Variants in LRP1B observed in about 807,000 individuals in gnomAD.
LRP1B encodes the protein LDL receptor related protein 1B.
LRP1B carries 217 observed loss-of-function variants against 556.6 expected under a neutral mutation model. That is an observed-to-expected ratio of 0.39 (90% CI 0.35 to 0.44). The LOEUF is 0.44. Among genes scored for constraint, LRP1B ranks in the 20% least tolerant of loss-of-function variants. The probability of loss-of-function intolerance (pLI) is 1.00; values close to 1 mark genes in which losing one functional copy is unlikely to be tolerated. For synonymous variants in LRP1B, 2,047 were observed against 1,865.8 expected (o/e 1.10, Z -2.50); for missense variants, 5,053 against 5,620.8 (o/e 0.90, Z 3.23).
chr2:140,367,866 T>G (rs543692856), intron 71 of LRP1B, among the ~76,000 whole-genome samples: 1 of 151,848 alleles, frequency 6.6e-6, no homozygotes, highest in Non-Finnish European at 1.5e-5. Flanking sequence ...AAACTCTATT[T>G]GTATCATATA....
At chr2:142,113,662 T>G (rs936406722) in intron 1 of LRP1B, among the ~76,000 whole-genome samples, 2 of 152,046 alleles carry the variant, frequency 1.3e-5, no homozygotes, top group African/African-American at 4.8e-5. Context: ...GTGTGTACAT[T>G]GAAACAGTGG....
chr2:140,786,542 T>G (rs959297578), intron 32 of LRP1B, among the ~76,000 whole-genome samples: 2 of 152,206 alleles, frequency 1.3e-5, no homozygotes, highest in African/African-American at 4.8e-5. Flanking sequence ...TGAAGCTCTC[T>G]GGAAAAATCT....
intron 3 of LRP1B, among the ~76,000 whole-genome samples, chr2:141,329,373 A>T (rs1030085698): frequency 5.8e-5 from 8 of 138,700 alleles, no homozygotes; most frequent in Non-Finnish European, 9.2e-5. Flanking sequence ...GGGGGACAAG[A>T]GCAAAACTCC....
At chr2:140,628,038 A>G (rs2105268582) in intron 41 of LRP1B, among the ~76,000 whole-genome samples, 1 of 152,344 alleles carries the variant, frequency 6.6e-6, no homozygotes, top group South Asian at 2.1e-4. Context: ...TTAGCAGAGT[A>G]TAAGACAGAG....
At chr2:140,727,812 A>G (rs992149493) in intron 35 of LRP1B, among the ~76,000 whole-genome samples, 5 of 152,188 alleles carry the variant, frequency 3.3e-5, no homozygotes, top group Non-Finnish European at 7.3e-5. Context: ...GTTGCAGATT[A>G]ATAAAGACCC....
At position 140,982,281 on chromosome 2, in the gene LRP1B, G is replaced by C. The variant is rs2105343985; in HGVS notation, c.2771-5C>G. The C allele has an allele frequency of 6.3e-7, 1 of 1,594,926 alleles. No homozygotes were observed. The highest frequency in any genetic ancestry group is 2.2e-5 in the East Asian group (1 of 44,704). ...GGTCTACCTGGCATGTTCTGGCTAT[G>C]ATGATCAATTAATAAACAAAAAATC... On this transcript the variant is annotated splice_polypyrimidine_tract_variant and splice_region_variant and intron_variant, in intron 17 of 90. Coordinates refer to ENST00000389484, the MANE Select transcript of LRP1B (RefSeq NM_018557.3).
intron 3 of LRP1B, among the ~76,000 whole-genome samples, chr2:141,341,967 G>A (rs1390137452): frequency 2.6e-5 from 4 of 151,954 alleles, no homozygotes; most frequent in Admixed American, 6.6e-5. Flanking sequence ...CCAGGCGGCC[G>A]GGCGCAGTAG....
At chr2:141,996,783 A>C (rs1335862777) in intron 1 of LRP1B, among the ~76,000 whole-genome samples, 2 of 147,602 alleles carry the variant, frequency 1.4e-5, no homozygotes, top group Admixed American at 1.4e-4. Context: ...TCAAATAGTG[A>C]ATTCCTTTGG....
intron 86 of LRP1B, among the ~76,000 whole-genome samples, chr2:140,252,089 A>AAAAAAAAAAAAAAC (rs1558926907): frequency 3.0e-5 from 2 of 67,238 alleles, no homozygotes; most frequent in East Asian, 5.8e-4. Context: ...AAAAAAAAAA[A>AAAAAAAAAAAAAAC]CCCAAAAAAC....
At chr2:140,630,238 G>A (rs1009180943) in intron 41 of LRP1B, among the ~76,000 whole-genome samples, 14 of 152,140 alleles carry the variant, frequency 9.2e-5, no homozygotes, top group African/African-American at 3.1e-4. Flanking sequence ...AGATTCTGGT[G>A]CATGATAAAT....
rs1443195585 is a variant in LRP1B at position 140,792,759 on chromosome 2, G to A, written c.5360-16521C>T. ...TTTCAAGTGGAGAGAGAGTAAGGAG[G>A]AATAGTAGTGCTTTCATTAAATGAC... On this transcript the variant is annotated intron_variant, in intron 32 of 90. Transcript: ENST00000389484. Among the ~76,000 whole-genome samples, 7 of 152,074 alleles carry A rather than the reference G, an allele frequency of 4.6e-5. No homozygotes were observed. The East Asian group carries it at 1.3e-3, about 29-fold the overall frequency.
rs571007861 is a variant in LRP1B, at chr2:141,119,213, G to A, written c.1014-56940C>T. On this transcript the variant is annotated intron_variant, in intron 7 of 90. Transcript: ENST00000389484. ...TATTTGTGACCTGTTAAAATCATCC[G>A]TAAGTTTTTTTCACTCAATTGTCCT... is the stretch of plus-strand genomic sequence containing the variant. 6.8e-4 allele frequency among the ~76,000 whole-genome samples: 103 copies of A among 151,866 alleles called. No homozygotes were observed. In the Middle Eastern group the frequency reaches 0.01, roughly 15 times the overall value.
chr2:140,893,148 CT>C (rs1457014005), intron 23 of LRP1B, among the ~76,000 whole-genome samples: 2 of 151,994 alleles, frequency 1.3e-5, no homozygotes, highest in African/African-American at 4.8e-5. Flanking sequence ...TCAACACTTC[CT>C]GCCTGACCTT....
At chr2:140,449,395 T>G (rs2105311938) in intron 63 of LRP1B, among the ~76,000 whole-genome samples, 1 of 152,256 alleles carries the variant, frequency 6.6e-6, no homozygotes, top group Admixed American at 6.5e-5. Flanking sequence ...TAATAGGTTT[T>G]TTGAAAAGAA....
rs35479321 is a variant in LRP1B, at chr2:141,364,270, A to AACACACACACACACACAC, written c.344-109647_344-109630dup. On this transcript the variant is annotated intron_variant, in intron 3 of 90. Coordinates refer to ENST00000389484, the MANE Select transcript of LRP1B (RefSeq NM_018557.3). ...AATGAAGATATAACCTGGAGGAAAT[A>AACACACACACACACACAC]ACACACACACACACACACACACACG... is the stretch of plus-strand genomic sequence containing the variant. Among the ~76,000 whole-genome samples, 16 of 148,728 alleles carry AACACACACACACACACAC rather than the reference A, an allele frequency of 1.1e-4. No homozygotes were observed. The South Asian group carries it at 1.3e-3, about 12-fold the overall frequency.
At chr2:141,823,189 G>A (rs916876493) in intron 1 of LRP1B, among the ~76,000 whole-genome samples, 1 of 152,008 alleles carries the variant, frequency 6.6e-6, no homozygotes, top group African/African-American at 2.4e-5. Flanking sequence ...GAGATAAAGA[G>A]TTATCTAGGA....
Position 141,020,007 on chromosome 2 carries a change from G to T in LRP1B, c.1885C>A (p.Leu629Met). 6.2e-7 allele frequency: 1 copy of T among 1,611,806 alleles called. No homozygotes were observed. Among genetic ancestry groups the T allele is most frequent in the East Asian group, 2.2e-5 (1 of 44,706 alleles). The change falls in exon 12 of 91, where the codon CTG becomes ATG. Residue 629 changes from leucine to methionine, a missense_variant. Around this residue, in one of 5 missense-constraint regions of LRP1B, gnomAD observed 3,619 missense variants for 3,931.9 expected, o/e 0.92. Transcript: ENST00000389484. Reference protein sequence around the residue: ...GHRKTINVARLEKASQSRKTL... With the variant: ...GHRKTINVARMEKASQSRKTL... Reference sequence around the variant, plus strand: ...TTCCGACTCTGAGAAGCTTTTTCCAGCCTGGCCACATTAATGGTTTTCCTA... The same window carrying T: ...TTCCGACTCTGAGAAGCTTTTTCCATCCTGGCCACATTAATGGTTTTCCTA...
At chr2:141,211,877 G>A (rs1682569633) in intron 6 of LRP1B, among the ~76,000 whole-genome samples, 2 of 152,060 alleles carry the variant, frequency 1.3e-5, no homozygotes, top group Admixed American at 1.3e-4. Flanking sequence ...TGGATGGCCT[G>A]ATCTCCTCAC....
chr2:141,328,281 T>C (rs1687502987), intron 3 of LRP1B, among the ~76,000 whole-genome samples: 1 of 152,198 alleles, frequency 6.6e-6, no homozygotes, highest in South Asian at 2.1e-4. Flanking sequence ...ATACTCAATC[T>C]CTATACCTCA....
Sources: gnomAD v4.1 joint callset for allele counts (sites outside exome capture counted in the v4.1 genomes callset) on GRCh38, gnomAD v4.1.1 for gene constraint, gnomAD v4.1.1 regional missense constraint, MANE v1.5 for transcripts, NCBI Gene and HGNC (gene_info 2026-07-23, HGNC 2026-07-21) for gene names.